Variants in FOXP2 observed in about 807,000 individuals in gnomAD.
FOXP2 encodes forkhead box P2.
A neutral mutation model predicts 115.8 loss-of-function variants in FOXP2; 12 were observed. The observed-to-expected ratio is 0.10, with a 90% CI of 0.07 to 0.17. The LOEUF is 0.17. Ranked by LOEUF, FOXP2 falls within the 10% of genes least tolerant of loss-of-function variation. The pLI, the probability that FOXP2 is intolerant of heterozygous loss-of-function variation, is 1.00. For missense variants in FOXP2, 629 were observed against 843.5 expected (o/e 0.75, Z 3.15); for synonymous variants, 328 against 297.7 (o/e 1.10, Z -1.05).
intron 2 of FOXP2, among the ~76,000 whole-genome samples, chr7:114,446,727 T>G (rs1440848552): frequency 1.3e-5 from 2 of 151,572 alleles, no homozygotes; most frequent in African/African-American, 4.8e-5. Flanking sequence ...TGTTTTTGGT[T>G]TATCTCTATT....
chr7:114,390,522 G>GTATTTATGTATTTATGTATTTATT (rs144084916), intron 2 of FOXP2, among the ~76,000 whole-genome samples: 1 of 148,264 alleles, frequency 6.7e-6, no homozygotes, highest in Non-Finnish European at 1.5e-5. Flanking sequence ...TTTTATTTAT[G>GTATTTATGTATTTATGTATTTATT]TATTTATTTA....
At chr7:114,225,172 A>G (rs550864942) in intron 1 of FOXP2, among the ~76,000 whole-genome samples, 1 of 151,952 alleles carries the variant, frequency 6.6e-6, no homozygotes, top group African/African-American at 2.4e-5. Flanking sequence ...TGCTTTGAGT[A>G]TTAAGGGGTG....
chr7:114,251,461 C>G (rs1213713293), intron 1 of FOXP2, among the ~76,000 whole-genome samples: 5 of 152,160 alleles, frequency 3.3e-5, no homozygotes, highest in Non-Finnish European at 5.9e-5. Context: ...TTTGTGTCCT[C>G]TTTTATTTCG....
At chr7:114,365,110 G>T (rs1791846691) in intron 2 of FOXP2, among the ~76,000 whole-genome samples, 1 of 151,294 alleles carries the variant, frequency 6.6e-6, no homozygotes, top group Non-Finnish European at 1.5e-5. Context: ...TTTTCTTTTT[G>T]CAGACTCTTA....
chr7:114,281,876 A>G (rs573625854), intron 1 of FOXP2, among the ~76,000 whole-genome samples: 6 of 151,986 alleles, frequency 3.9e-5, no homozygotes, highest in African/African-American at 1.5e-4. Flanking sequence ...ATTTATTAGG[A>G]TGTGGTAGAG....
At chr7:114,547,602 AC>A (rs1350130652) in intron 3 of FOXP2, among the ~76,000 whole-genome samples, 9 of 152,270 alleles carry the variant, frequency 5.9e-5, no homozygotes, top group Admixed American at 2.6e-4. Flanking sequence ...CTAAAAAATT[AC>A]AAAAAATTAT....
At chr7:114,280,439 T>G (rs1227156818) in intron 1 of FOXP2, among the ~76,000 whole-genome samples, 1 of 152,176 alleles carries the variant, frequency 6.6e-6, no homozygotes, top group African/African-American at 2.4e-5. Flanking sequence ...TATGTTATTT[T>G]AGACATGTAT....
chr7:114,575,995 A>G (rs945083617), intron 3 of FOXP2, among the ~76,000 whole-genome samples: 9 of 151,890 alleles, frequency 5.9e-5, no homozygotes, highest in African/African-American at 2.2e-4. Context: ...TCATTGTTTT[A>G]CTGTGTTTAT....
intron 2 of FOXP2, among the ~76,000 whole-genome samples, chr7:114,447,677 T>C (rs1167886245): frequency 1.3e-5 from 2 of 152,170 alleles, no homozygotes; most frequent in African/African-American, 4.8e-5. Flanking sequence ...CCTATTCATA[T>C]TTTGAATCTG....
chr7:114,428,175 G>A (rs1002148012), intron 2 of FOXP2, among the ~76,000 whole-genome samples: 7 of 151,602 alleles, frequency 4.6e-5, no homozygotes, highest in South Asian at 2.1e-4. Flanking sequence ...AGTGGATTGC[G>A]TTTATAAAGC....
chr7:114,154,312 T>C (rs1224258214), intron 1 of FOXP2, among the ~76,000 whole-genome samples: 1 of 151,806 alleles, frequency 6.6e-6, no homozygotes, highest in Non-Finnish European at 1.5e-5. Flanking sequence ...AACTCAATTG[T>C]CAGGGCAATA....
chr7:114,543,514 G>T (rs1799780392), intron 3 of FOXP2, among the ~76,000 whole-genome samples: 1 of 151,470 alleles, frequency 6.6e-6, no homozygotes. Context: ...AATAAAATTT[G>T]CCCTGTGATT....
chr7:114,642,812 A>ATATATATTTTTTTTTTT (rs1308357594), intron 7 of FOXP2, among the ~76,000 whole-genome samples, 189 bp downstream of exon 7: 1 of 72,438 alleles, frequency 1.4e-5, no homozygotes, highest in Non-Finnish European at 2.3e-5. Flanking sequence ...ATATATATAT[A>ATATATATTTTTTTTTTT]TTTTTTTTTT....
chr7:114,641,337 A>C (rs1805517263), intron 6 of FOXP2, among the ~76,000 whole-genome samples: 1 of 152,196 alleles, frequency 6.6e-6, no homozygotes, highest in African/African-American at 2.4e-5. Flanking sequence ...AAACTAAATG[A>C]TTATATCTAG....
rs1563045480 is a variant in FOXP2, at chr7:114,629,860, T to TGCAGCAGCAGCAGCAACA, written c.465_482dup (p.Gln186_Gln191dup). ...CAAGAGCAGTTACATCTTCAGCTTTTGCAGCAGCAGCAGCAACAGCAGCAG... is the reference window on the plus strand; with the variant it reads ...CAAGAGCAGTTACATCTTCAGCTTTTGCAGCAGCAGCAGCAACAGCAGCAGCAGCAGCAACAGCAGCAG... On this transcript the variant is annotated inframe_insertion, in exon 5 of 17. Transcript: ENST00000350908. The TGCAGCAGCAGCAGCAACA allele has an allele frequency of 6.2e-7, 1 of 1,602,362 alleles. No individual in the cohort carries two copies. Among genetic ancestry groups the TGCAGCAGCAGCAGCAACA allele is most frequent in the Non-Finnish European group, 8.5e-7 (1 of 1,176,808 alleles).
intron 3 of FOXP2, among the ~76,000 whole-genome samples, chr7:114,599,593 A>G (rs1802912618): frequency 6.6e-6 from 1 of 152,140 alleles, no homozygotes; most frequent in Non-Finnish European, 1.5e-5. Context: ...ATATTAAATT[A>G]AGTAGTATAA....
intron 1 of FOXP2, among the ~76,000 whole-genome samples, chr7:114,274,798 TG>T (rs1796148627): frequency 6.6e-6 from 1 of 151,296 alleles, no homozygotes; most frequent in Non-Finnish European, 1.5e-5. Flanking sequence ...TTATGTTTTT[TG>T]TTTGTTTGTT....
chr7:114,310,439 T>C (rs1190143073), intron 2 of FOXP2, among the ~76,000 whole-genome samples: 1 of 152,132 alleles, frequency 6.6e-6, no homozygotes, highest in East Asian at 1.9e-4. Flanking sequence ...CAAATGGGAA[T>C]GTCAGGACTG....
chr7:114,144,310 A>G (rs1236859684), intron 1 of FOXP2, among the ~76,000 whole-genome samples: 3 of 152,182 alleles, frequency 2.0e-5, no homozygotes, highest in Non-Finnish European at 4.4e-5. Context: ...TATATTTACA[A>G]ATTAAACTAT....
Sources: gnomAD v4.1 joint callset for allele counts (sites outside exome capture counted in the v4.1 genomes callset) on GRCh38, gnomAD v4.1.1 for gene constraint, MANE v1.5 for transcripts, NCBI Gene and HGNC (gene_info 2026-07-23, HGNC 2026-07-21) for gene names.